Variants in RAB3GAP2 observed in about 807,000 individuals in gnomAD.
RAB3GAP2 encodes the protein rab3 GTPase-activating protein non-catalytic subunit.
In RAB3GAP2, 87 loss-of-function variants were observed where a neutral mutation model predicts 185.3. The observed-to-expected ratio is 0.47, with a 90% CI of 0.39 to 0.56. The LOEUF is 0.56. Ranked by LOEUF, RAB3GAP2 falls within the 20% of genes least tolerant of loss-of-function variation. The pLI is 0.00. For synonymous variants in RAB3GAP2, 554 were observed against 576.1 expected (o/e 0.96, Z 0.55); for missense variants, 1,492 against 1,638.2 (o/e 0.91, Z 1.54).
At chr1:220,213,052 A>T in intron 3 of RAB3GAP2, 84 bp from the exon 4 acceptor site, 1 of 984,718 alleles carries the variant, frequency 1.0e-6, no homozygotes, top group Non-Finnish European at 1.5e-6. Context: ...CTTTCCCCTT[A>T]GAATATGATT....
chr1:220,242,565 G>A (rs765550367), intron 1 of RAB3GAP2, among the ~76,000 whole-genome samples: 16 of 151,946 alleles, frequency 1.1e-4, no homozygotes, highest in East Asian at 1.9e-4. Context: ...TCACAGCTCC[G>A]TATTATACCA....
intron 1 of RAB3GAP2, chr1:220,266,347 C>A: frequency 2.6e-6 from 1 of 380,784 alleles, no homozygotes; most frequent in South Asian, 2.5e-5. Flanking sequence ...GCTCCTTAAC[C>A]GATCGAGTCA....
At chr1:220,232,536 G>A (rs1659520277) in intron 2 of RAB3GAP2, among the ~76,000 whole-genome samples, 1 of 152,176 alleles carries the variant, frequency 6.6e-6, no homozygotes. Context: ...CCAGAACTGT[G>A]AGCCAATCAA....
chr1:220,169,373 G>A (rs1658132432), intron 24 of RAB3GAP2, among the ~76,000 whole-genome samples: 1 of 152,192 alleles, frequency 6.6e-6, no homozygotes, highest in South Asian at 2.1e-4. Context: ...TTCCAGGACA[G>A]TAGAAAGTGA....
rs930185096 is a variant in RAB3GAP2, at chr1:220,251,128, G to A, written c.116-18265C>T. ...GTTAACATGGTAAAAACAGCATCTC[G>A]AATTAGTAGGAAGTTGATGAATTAG... is the stretch of plus-strand genomic sequence containing the variant. On this transcript the variant is annotated intron_variant, in intron 1 of 34. Transcript: ENST00000358951. Among the ~76,000 whole-genome samples the A allele has an allele frequency of 6.6e-5, 10 of 152,288 alleles. No individual in the cohort carries two copies. The South Asian group carries it at 1.0e-3, about 16-fold the overall frequency.
chr1:220,246,231 A>T (rs12402633), intron 1 of RAB3GAP2, among the ~76,000 whole-genome samples: 35,763 of 152,096 alleles, frequency 0.24, 4,497 homozygotes, highest in East Asian at 0.34. Flanking sequence ...ATGAGATACC[A>T]TTGCAGTTAG....
intron 1 of RAB3GAP2, among the ~76,000 whole-genome samples, chr1:220,240,974 G>A (rs1230569526): frequency 6.6e-6 from 1 of 151,946 alleles, no homozygotes; most frequent in Non-Finnish European, 1.5e-5. Context: ...TTACTAGTAT[G>A]AAAAACCTGT....
In RAB3GAP2 at chr1:220,153,227, C is replaced by T; in HGVS notation, c.3825G>A (p.Val1275=). Residue 1275 remains valine (V), a synonymous_variant, in exon 33 of 35, where the codon GTG becomes GTA. Transcript: ENST00000358951. ...CAACTCCATAGTTGTATAGTTCCCCCACATAATGCCTTCTAACAACATCTT... is the reference window on the plus strand; with the variant it reads ...CAACTCCATAGTTGTATAGTTCCCCTACATAATGCCTTCTAACAACATCTT... ...VSEDVVRRHY[V]GELYNYGVDH... The T allele has an allele frequency of 6.2e-7, 1 of 1,614,084 alleles. No homozygotes were observed. Among genetic ancestry groups the T allele is most frequent in the Non-Finnish European group, 8.5e-7 (1 of 1,179,962 alleles).
At chr1:220,190,591 T>C (rs1024842957) in intron 14 of RAB3GAP2, 71 bp from the exon 15 acceptor site, 55 of 1,473,356 alleles carry the variant, frequency 3.7e-5, no homozygotes, top group Admixed American at 6.7e-5. Flanking sequence ...GCTTTTATTA[T>C]AGCTAGGAAA....
chr1:220,191,937 T>C (rs568662032), intron 13 of RAB3GAP2, among the ~76,000 whole-genome samples: 1 of 152,116 alleles, frequency 6.6e-6, no homozygotes, highest in Non-Finnish European at 1.5e-5. Flanking sequence ...AAAATATGGG[T>C]TACAGGACGA....
intron 2 of RAB3GAP2, among the ~76,000 whole-genome samples, chr1:220,214,682 C>T (rs981381896): frequency 3.3e-5 from 5 of 151,854 alleles, no homozygotes; most frequent in South Asian, 2.1e-4. Flanking sequence ...TCTGATATAA[C>T]GTTATGCTTC....
intron 7 of RAB3GAP2, among the ~76,000 whole-genome samples, chr1:220,209,876 T>C (rs1237807216): frequency 6.6e-6 from 1 of 152,218 alleles, no homozygotes; most frequent in Non-Finnish European, 1.5e-5. Context: ...CCTAAGAAGT[T>C]AGAGCCTTGG....
At chr1:220,262,870 G>T (rs1244672679) in intron 1 of RAB3GAP2, among the ~76,000 whole-genome samples, 1 of 151,876 alleles carries the variant, frequency 6.6e-6, no homozygotes, top group East Asian at 1.9e-4. Context: ...AAAATTTTTT[G>T]AGGAACTCTT....
chr1:220,211,151 C>T, intron 4 of RAB3GAP2, 149 bp from the exon 5 acceptor site: 1 of 755,018 alleles, frequency 1.3e-6, no homozygotes, highest in African/African-American at 1.7e-5. Flanking sequence ...CAGTAAAACT[C>T]CACCACTGGT....
At chr1:220,232,474 A>G (rs538273059) in intron 2 of RAB3GAP2, among the ~76,000 whole-genome samples, 1 of 152,310 alleles carries the variant, frequency 6.6e-6, no homozygotes, top group East Asian at 1.9e-4. Context: ...ATTATGATGC[A>G]GCAAGAAGGC....
In RAB3GAP2 at chr1:220,159,331, T is replaced by G. The variant is rs1026624778; in HGVS notation, c.3261+55A>C. The G allele has an allele frequency of 3.6e-6, 5 of 1,395,134 alleles. No homozygotes were observed. The African/African-American group carries it at 7.1e-5, about 20-fold the overall frequency. The allele number at this position is 1,395,134 out of a possible 1,614,324, so 86.4% of individuals were successfully genotyped here. On this transcript the variant is annotated intron_variant, in intron 29 of 34. Coordinates refer to ENST00000358951, the MANE Select transcript of RAB3GAP2 (RefSeq NM_012414.4). ...TTCACCTATACAGTTAATAAAGTAC[T>G]ACATAAAAGTGTGGAATTAACAACC...
At chr1:220,156,695 G>A (rs1376072372) in intron 31 of RAB3GAP2, among the ~76,000 whole-genome samples, 3 of 152,114 alleles carry the variant, frequency 2.0e-5, no homozygotes, top group Admixed American at 6.5e-5. Context: ...GGAGAGAAAC[G>A]GACAGGCATG....
chr1:220,164,666 A>T, intron 27 of RAB3GAP2, 67 bp downstream of exon 27: 1 of 1,550,982 alleles, frequency 6.4e-7, no homozygotes, highest in Non-Finnish European at 8.7e-7. Flanking sequence ...CTTTAAATTC[A>T]CATCCTGTTA....
intron 1 of RAB3GAP2, among the ~76,000 whole-genome samples, chr1:220,233,635 C>T (rs555482560): frequency 5.3e-5 from 8 of 152,118 alleles, no homozygotes; most frequent in African/African-American, 1.2e-4. Flanking sequence ...CCCAGAATCA[C>T]GCTGCCTAAG....
Sources: gnomAD v4.1 joint callset for allele counts (sites outside exome capture counted in the v4.1 genomes callset) on GRCh38, gnomAD v4.1.1 for gene constraint, MANE v1.5 for transcripts, NCBI Gene and HGNC (gene_info 2026-07-23, HGNC 2026-07-21) for gene names.